The following RNF41 variants were observed in gnomAD, a reference collection of about 807,000 sequenced individuals.
RNF41 encodes the protein ring finger protein 41, also known as E3 ubiquitin-protein ligase NRDP1.
In RNF41, 4 loss-of-function variants were observed where a neutral mutation model predicts 33.0. That is an observed-to-expected ratio of 0.12 (90% CI 0.06 to 0.28). The LOEUF (loss-of-function observed/expected upper bound fraction) is 0.28, where lower values mean the gene tolerates loss of function less well. Among genes scored for constraint, RNF41 ranks in the 10% least tolerant of loss-of-function variants. The pLI, the probability that RNF41 is intolerant of heterozygous loss-of-function variation, is 1.00. For missense variants in RNF41, 228 were observed against 432.6 expected, an observed-to-expected ratio of 0.53 and a Z score of 4.19; for synonymous variants, 164 against 153.2, an observed-to-expected ratio of 1.07 and a Z score of -0.52.
At chr12:56,207,493 C>A in intron 6 of RNF41, 153 bp downstream of exon 6, 1 of 755,172 alleles carries the variant, frequency 1.3e-6, no homozygotes, top group South Asian at 1.5e-5. Context: ...TTATCCTCTT[C>A]TCCTCTGCCC....
At chr12:56,207,888 G>A in intron 5 of RNF41, 139 bp from the exon 6 acceptor site, 2 of 781,308 alleles carry the variant, frequency 2.6e-6, no homozygotes, top group Non-Finnish European at 4.5e-6. Flanking sequence ...GGATAAGACT[G>A]TCTCACTCAC....
rs1199345670 is a variant in RNF41, at chr12:56,214,077, G to A, written c.-23-7C>T. On this transcript the variant is annotated splice_region_variant and splice_polypyrimidine_tract_variant and intron_variant, in intron 2 of 6. Coordinates refer to ENST00000345093, the MANE Select transcript of RNF41 (RefSeq NM_005785.4). ...CATCACTGAAACCCAGGTCCTGAAA[G>A]GACAACAGGAAAAAGAGGCCAGTTC... The A allele has an allele frequency of 6.6e-7, 1 of 1,506,312 alleles. No homozygotes were observed. Among genetic ancestry groups the A allele is most frequent in the Admixed American group, 1.7e-5 (1 of 59,742 alleles). 93.3% of individuals were successfully genotyped at this position (1,506,312 alleles called of 1,614,324 possible).
intron 3 of RNF41, chr12:56,213,071 A>C (rs986274595): frequency 7.1e-5 from 92 of 1,289,764 alleles, no homozygotes; most frequent in Non-Finnish European, 9.1e-5. Context: ...GCTGGCAGAG[A>C]AATGACCTAT....
At chr12:56,221,305 A>AT (rs987189869) in intron 1 of RNF41, among the ~76,000 whole-genome samples, 1 of 152,116 alleles carries the variant, frequency 6.6e-6, no homozygotes, top group Admixed American at 6.6e-5. Context: ...CGGGGAAGGA[A>AT]TGAGAGGACA....
At chr12:56,219,625 G>A (rs1341769946) in intron 1 of RNF41, among the ~76,000 whole-genome samples, 12 of 150,806 alleles carry the variant, frequency 8.0e-5, no homozygotes, top group Non-Finnish European at 4.4e-5. Flanking sequence ...TGCGCCCGGC[G>A]TAATATAAGG....
At chr12:56,221,699 A>G (rs1472288977) in intron 1 of RNF41, 61 bp downstream of exon 1, 2 of 151,034 alleles carry the variant, frequency 1.3e-5, no homozygotes, top group African/African-American at 4.9e-5. Context: ...CCCCTGGGAC[A>G]TCACCTCCTC....
chr12:56,220,964 A>G (rs1869358977), intron 1 of RNF41, among the ~76,000 whole-genome samples: 1 of 152,116 alleles, frequency 6.6e-6, no homozygotes, highest in Non-Finnish European at 1.5e-5. Flanking sequence ...CAGACTCTAA[A>G]ACCCCTGTAT....
chr12:56,219,358 A>T (rs1032832027), intron 1 of RNF41, among the ~76,000 whole-genome samples: 11 of 145,728 alleles, frequency 7.5e-5, no homozygotes, highest in African/African-American at 2.5e-4. Flanking sequence ...CGCCCAGCTA[A>T]TTTTTTTTTT....
At position 56,206,141 on chromosome 12, in the gene RNF41, T is replaced by A. The variant is rs1388618520; in HGVS notation, c.*306A>T. The stretch of plus-strand genomic sequence containing the variant: ...CCTCCAGGGAAATTGAATCTCTTTG[T>A]GCTTTCTGAAAATAACTGGAACCAG... On this transcript the variant is annotated 3_prime_UTR_variant, in exon 7 of 7. Transcript: ENST00000345093. This position sits in a 1 kb window ranked among gnomAD's most constrained non-coding sequence, Gnocchi z 5.7. The A allele has an allele frequency of 3.0e-6, 1 of 333,184 alleles. No homozygotes were observed. The highest frequency in any genetic ancestry group is 2.1e-5 in the African/African-American group (1 of 47,634). 20.6% of individuals were successfully genotyped at this position (333,184 alleles called of 1,614,324 possible).
chr12:56,216,968 G>A (rs1015691133), intron 1 of RNF41, among the ~76,000 whole-genome samples: 2 of 151,342 alleles, frequency 1.3e-5, no homozygotes, highest in South Asian at 2.1e-4. Context: ...GTGAAACCCC[G>A]TCTCTACTAA....
intron 2 of RNF41, among the ~76,000 whole-genome samples, chr12:56,215,547 C>T (rs1412922238): frequency 6.6e-6 from 1 of 151,732 alleles, no homozygotes; most frequent in Non-Finnish European, 1.5e-5. Context: ...GGCGAAACCC[C>T]GTCTCTACTA....
chr12:56,214,855 A>G (rs1375116543), intron 2 of RNF41, among the ~76,000 whole-genome samples: 1 of 152,150 alleles, frequency 6.6e-6, no homozygotes, highest in Non-Finnish European at 1.5e-5. Context: ...AAGAAATGTA[A>G]TTCTAATGGG....
rs1868314383 is a variant in RNF41, at chr12:56,208,280, A to G, written c.381T>C (p.Asp127=). The part of the protein sequence containing the change: ...EQGCGLEMPK[D]ELPNHNCIKH... Reference sequence around the variant, plus strand: ...TAATGCAGTTATGGTTGGGCAGCTCATCTTTGGGCATCTCCAGGCTGCAGA... The same window carrying G: ...TAATGCAGTTATGGTTGGGCAGCTCGTCTTTGGGCATCTCCAGGCTGCAGA... The change falls in exon 5 of 7, where the codon GAT becomes GAC. Residue 127 remains aspartate, a synonymous_variant. Transcript: ENST00000345093. 6.2e-7 allele frequency: 1 copy of G among 1,614,052 alleles called. No homozygotes were observed. Among genetic ancestry groups the G allele is most frequent in the Non-Finnish European group, 8.5e-7 (1 of 1,180,054 alleles).
At chr12:56,209,541 T>A (rs1298397157) in intron 4 of RNF41, among the ~76,000 whole-genome samples, 1 of 151,058 alleles carries the variant, frequency 6.6e-6, no homozygotes, top group Non-Finnish European at 1.5e-5. Flanking sequence ...CACTGCAAGC[T>A]CCCCGTCCCA....
At chr12:56,218,497 G>T (rs1251537895) in intron 1 of RNF41, among the ~76,000 whole-genome samples, 5 of 151,298 alleles carry the variant, frequency 3.3e-5, no homozygotes, top group Non-Finnish European at 7.4e-5. Context: ...TCCTGGGCAG[G>T]CTCCAGCAAT....
rs775086939 is a variant in RNF41, at chr12:56,213,944, T to C, written c.90+14A>G. ...ACCTGTTGCCCCACCAAACCTGCCATCAGACCAACTCACCTGTACTGGCTC... is the reference window on the plus strand; with the variant it reads ...ACCTGTTGCCCCACCAAACCTGCCACCAGACCAACTCACCTGTACTGGCTC... On this transcript the variant is annotated intron_variant, in intron 3 of 6. Transcript: ENST00000345093. 3.1e-6 allele frequency: 5 copies of C among 1,590,302 alleles called. No individual in the cohort carries two copies. In the South Asian group the frequency reaches 5.5e-5, roughly 18 times the overall value.
rs550794964 is a variant in RNF41, at chr12:56,219,365, T to A, written c.-209+2395A>T. Reference sequence around the variant, plus strand: ...CGCCAGGACGCCCAGCTAATTTTTTTTTTTTATTTTTAGTAGAGACAGGGT... The same window carrying A: ...CGCCAGGACGCCCAGCTAATTTTTTATTTTTATTTTTAGTAGAGACAGGGT... On this transcript the variant is annotated intron_variant, in intron 1 of 6. Coordinates refer to ENST00000345093, the MANE Select transcript of RNF41 (RefSeq NM_005785.4). Among the ~76,000 whole-genome samples the A allele has an allele frequency of 3.6e-4, 55 of 151,832 alleles. 1 individual carries two copies. The highest frequency in any genetic ancestry group is 6.8e-3 in the Middle Eastern group (2 of 294).
rs4759219 is a variant in RNF41 at position 56,202,207 on chromosome 12, C to A, written c.*4240G>T. The A allele has an allele frequency of 0.94, 138,499 of 147,604 alleles. 65,557 individuals carry two copies. Among genetic ancestry groups the A allele is most frequent in the East Asian group, 1 (5,066 of 5,066 alleles). 9.1% of individuals were successfully genotyped at this position (147,604 alleles called of 1,614,324 possible). ...AAGAGATGAAACAAAAAAAATTTTA[C>A]TAGTATTAAAACAGATTAAGACAAT... is the stretch of plus-strand genomic sequence containing the variant. On this transcript the variant is annotated 3_prime_UTR_variant, in exon 7 of 7. Transcript: ENST00000345093.
chr12:56,209,244 T>C (rs1236686652), intron 4 of RNF41, among the ~76,000 whole-genome samples: 2 of 152,170 alleles, frequency 1.3e-5, no homozygotes, highest in Non-Finnish European at 1.5e-5. Flanking sequence ...TGTGCACTTA[T>C]TCCTTCAGAG....
Sources: allele counts gnomAD v4.1 joint callset (sites outside exome capture counted in the v4.1 genomes callset), GRCh38; gene constraint gnomAD v4.1.1; non-coding constraint Gnocchi (gnomAD v3.1); transcripts MANE v1.5; gene names NCBI Gene and HGNC (gene_info 2026-07-23, HGNC 2026-07-21).